SEL1L3: variants seen among roughly 807,000 people sequenced by gnomAD.
The protein encoded by SEL1L3 is SEL1L family member 3.
Under a neutral mutation model 142.8 loss-of-function variants are expected in SEL1L3, and 76 were observed. The ratio of observed to expected loss-of-function variants is 0.53; its 90% CI spans 0.44 to 0.64. SEL1L3 has a LOEUF of 0.64. SEL1L3 is among the 30% of genes least tolerant of loss of function. The probability of loss-of-function intolerance (pLI) is 0.00; values close to 1 mark genes in which losing one functional copy is unlikely to be tolerated. For synonymous variants in SEL1L3, 504 were observed against 519.6 expected (o/e 0.97, Z 0.41); for missense variants, 1,262 against 1,381.7 (o/e 0.91, Z 1.37).
At chr4:25,809,430 C>T (rs929677964) in intron 9 of SEL1L3, among the ~76,000 whole-genome samples, 3 of 151,926 alleles carry the variant, frequency 2.0e-5, no homozygotes, top group African/African-American at 7.3e-5. Flanking sequence ...CAGGCTTGAG[C>T]CACGGCGCCC....
At chr4:25,745,277 C>G (rs1717225167), downstream of SEL1L3, among the ~76,000 whole-genome samples, 1 of 152,054 alleles carries the variant, frequency 6.6e-6, no homozygotes, top group Non-Finnish European at 1.5e-5. Flanking sequence ...TGCCTGTAAT[C>G]CCAGCTACTT....
In SEL1L3 at chr4:25,821,270, C is replaced by T. The variant is rs183032200; in HGVS notation, c.1290+726G>A. 2.7e-3 allele frequency among the ~76,000 whole-genome samples: 404 copies of T among 152,334 alleles called. 2 individuals carry two copies. The highest frequency in any genetic ancestry group is 8.8e-3 in the African/African-American group (368 of 41,598). ...TGATTATGACTTTGCCTAGTGACCC[C>T]TGTTTTTCTCAGAATAAACCCCACA... On this transcript the variant is annotated intron_variant, in intron 7 of 23. Coordinates refer to ENST00000399878, the MANE Select transcript of SEL1L3 (RefSeq NM_015187.5).
At position 25,782,283 on chromosome 4, in the gene SEL1L3, G is replaced by T. The variant is rs1279464936; in HGVS notation, c.2416C>A (p.His806Asn). 5.0e-6 allele frequency: 8 copies of T among 1,613,848 alleles called. No individual in the cohort carries two copies. In the South Asian group the frequency reaches 8.8e-5, roughly 18 times the overall value. ...PDASYNLGVL[H>N]LDGIFPGVPG... ...ACTCCAGGGAAGATGCCATCCAAAT[G>T]CAGGACTCCAAGATTGTATGACGCA... The change falls in exon 15 of 24, where the codon CAT (histidine) becomes AAT (asparagine). Residue 806 changes from histidine to asparagine, a missense_variant. Around this residue, in one of 3 missense-constraint regions of SEL1L3, gnomAD observed 435 missense variants for 559.2 expected, o/e 0.78. Coordinates refer to ENST00000399878, the MANE Select transcript of SEL1L3 (RefSeq NM_015187.5).
At chr4:25,858,529 G>T (rs1453055919) in intron 1 of SEL1L3, among the ~76,000 whole-genome samples, 1 of 152,030 alleles carries the variant, frequency 6.6e-6, no homozygotes, top group African/African-American at 2.4e-5. Flanking sequence ...ACATGTATCT[G>T]TTCTGTTTTT....
intron 1 of SEL1L3, among the ~76,000 whole-genome samples, chr4:25,857,456 G>C (rs1717342927): frequency 6.6e-6 from 1 of 152,194 alleles, no homozygotes; most frequent in African/African-American, 2.4e-5. Flanking sequence ...TGTGTACTGA[G>C]CACTGGGATG....
At chr4:25,822,370 G>T (rs1423795707) in intron 6 of SEL1L3, among the ~76,000 whole-genome samples, 1 of 152,166 alleles carries the variant, frequency 6.6e-6, no homozygotes, top group Admixed American at 6.5e-5. Context: ...GTCTTCTCCT[G>T]TGTCAAATGA....
At chr4:25,835,865 C>T (rs775134611) in intron 2 of SEL1L3, among the ~76,000 whole-genome samples, 12 of 152,142 alleles carry the variant, frequency 7.9e-5, no homozygotes, top group African/African-American at 2.2e-4. Context: ...TAGTGTACAC[C>T]GGCAATATGC....
chr4:25,743,213 T>C (rs143578729), downstream of SEL1L3, among the ~76,000 whole-genome samples: 6 of 152,298 alleles, frequency 3.9e-5, no homozygotes, highest in Admixed American at 1.3e-4. Context: ...GATTTTACAA[T>C]GTTAGCAATT....
chr4:25,763,625 A>G (rs1179189145), intron 20 of SEL1L3, among the ~76,000 whole-genome samples: 1 of 152,210 alleles, frequency 6.6e-6, no homozygotes, highest in Admixed American at 6.5e-5. Context: ...AGGTGGGCAG[A>G]TCACTTGAGC....
At chr4:25,793,921 G>C (rs1712534209) in intron 11 of SEL1L3, among the ~76,000 whole-genome samples, 1 of 152,190 alleles carries the variant, frequency 6.6e-6, no homozygotes, top group Non-Finnish European at 1.5e-5. Context: ...ACAAGCAATG[G>C]AGAAAGGATT....
At chr4:25,780,261 T>G (rs1275782676) in intron 15 of SEL1L3, among the ~76,000 whole-genome samples, 1 of 152,078 alleles carries the variant, frequency 6.6e-6, no homozygotes, top group Non-Finnish European at 1.5e-5. Flanking sequence ...ACTGCCCTGG[T>G]CTCGCCCACT....
rs766969517 is a variant in SEL1L3, at chr4:25,804,658, T to A, written c.1659A>T (p.Gln553His). The change falls in exon 10 of 24, where the codon CAA becomes CAT. Residue 553 changes from glutamine to histidine, a missense_variant. By Grantham distance (24) the Gln-to-His change is conservative. Transcript: ENST00000399878. ...TCAGAAAGGGGACGATAGAGCTAAT[T>A]TGGTGAAGACCATCAATGCTAGAGA... Reference protein sequence around the residue: ...KRLSSIDGLHQISSIVPFLTD... With the variant: ...KRLSSIDGLHHISSIVPFLTD... The A allele has an allele frequency of 1.9e-6, 3 of 1,613,692 alleles. No homozygotes were observed. The South Asian group carries it at 3.3e-5, about 18-fold the overall frequency.
At chr4:25,846,453 T>C (rs1345684761) in intron 2 of SEL1L3, among the ~76,000 whole-genome samples, 2 of 151,980 alleles carry the variant, frequency 1.3e-5, no homozygotes, top group Admixed American at 1.3e-4. Flanking sequence ...ATTTTACAGA[T>C]AGGAAAACTG....
intron 1 of SEL1L3, among the ~76,000 whole-genome samples, chr4:25,849,066 G>A (rs533175756): frequency 2.0e-5 from 3 of 152,296 alleles, no homozygotes; most frequent in Non-Finnish European, 4.4e-5. Flanking sequence ...TTGAACCCGG[G>A]AGGTGGAGGT....
chr4:25,798,380 A>G (rs537992290), intron 11 of SEL1L3, among the ~76,000 whole-genome samples: 1 of 152,330 alleles, frequency 6.6e-6, no homozygotes, highest in South Asian at 2.1e-4. Flanking sequence ...TGCATATCAC[A>G]TGTATGTGCC....
the SEL1L3 span, among the ~76,000 whole-genome samples, chr4:25,739,755 AAAT>A: frequency 4.8e-5 from 6 of 124,880 alleles, no homozygotes; most frequent in Non-Finnish European, 9.6e-5. Flanking sequence ...CTGAAAGAAA[AAAT>A]AATGTGTGTG....
At chr4:25,773,875 A>T (rs1327207309) in intron 17 of SEL1L3, among the ~76,000 whole-genome samples, 2 of 152,150 alleles carry the variant, frequency 1.3e-5, no homozygotes, top group Non-Finnish European at 2.9e-5. Context: ...CTAAGTGGAA[A>T]TTCCACCCAT....
chr4:25,776,530 G>A (rs1425687394), intron 16 of SEL1L3, 170 bp from the exon 17 acceptor site: 2 of 572,502 alleles, frequency 3.5e-6, no homozygotes, highest in African/African-American at 3.8e-5. Context: ...CATTCTGAGA[G>A]CTTTTCATTT....
At chr4:25,825,666 A>AAT (rs1715045432) in intron 6 of SEL1L3, among the ~76,000 whole-genome samples, 3 of 74,052 alleles carry the variant, frequency 4.1e-5, no homozygotes, top group Non-Finnish European at 7.6e-5. Context: ...TCTAAATTCT[A>AAT]TTTTTTTTTT....
Sources: gnomAD v4.1 joint callset for allele counts (sites outside exome capture counted in the v4.1 genomes callset) on GRCh38, gnomAD v4.1.1 for gene constraint, gnomAD v4.1.1 regional missense constraint, MANE v1.5 for transcripts, NCBI Gene and HGNC (gene_info 2026-07-23, HGNC 2026-07-21) for gene names.